The following ZWILCH variants were observed in gnomAD, a reference collection of about 807,000 sequenced individuals.
ZWILCH encodes protein zwilch homolog.
A neutral mutation model predicts 79.9 loss-of-function variants in ZWILCH; 74 were observed. The ratio of observed to expected loss-of-function variants is 0.93; its 90% CI spans 0.77 to 1.12. ZWILCH has a LOEUF of 1.12. Ranked by LOEUF, ZWILCH falls within the 50% of genes most tolerant of loss-of-function variation. The pLI is 0.00. For missense variants in ZWILCH, 694 were observed against 687.5 expected (o/e 1.01, Z -0.11); for synonymous variants, 241 against 228.2 (o/e 1.06, Z -0.51).
chr15:66,527,727 G>A, intron 9 of ZWILCH, 130 bp from the exon 10 acceptor site: 2 of 775,938 alleles, frequency 2.6e-6, no homozygotes, highest in East Asian at 5.8e-5. Context: ...CTCCACCAGA[G>A]TTCAGTGATT....
chr15:66,526,221 A>G (rs538713052), intron 8 of ZWILCH, among the ~76,000 whole-genome samples: 1 of 152,302 alleles, frequency 6.6e-6, no homozygotes, highest in East Asian at 1.9e-4. Flanking sequence ...AAAAAAATCA[A>G]CATTGGCTGT....
chr15:66,544,579 T>C (rs1488017066), intron 17 of ZWILCH, among the ~76,000 whole-genome samples: 1 of 152,072 alleles, frequency 6.6e-6, no homozygotes, highest in Non-Finnish European at 1.5e-5. Flanking sequence ...AGCTGAAATA[T>C]TCCCCCTGGC....
At chr15:66,506,080 C>A (rs1017178175) in intron 1 of ZWILCH, among the ~76,000 whole-genome samples, 2 of 152,188 alleles carry the variant, frequency 1.3e-5, no homozygotes, top group Non-Finnish European at 2.9e-5. Flanking sequence ...AATTAATTTG[C>A]CCTCCTGATA....
intron 6 of ZWILCH, 45 bp from the exon 7 acceptor site, chr15:66,521,005 A>C: frequency 6.3e-7 from 1 of 1,597,004 alleles, no homozygotes; most frequent in Non-Finnish European, 8.5e-7. Flanking sequence ...ACTCTTGGCC[A>C]TGTGGAAGCA....
intron 4 of ZWILCH, among the ~76,000 whole-genome samples, chr15:66,518,383 G>C (rs1323796622): frequency 2.0e-5 from 3 of 150,630 alleles, no homozygotes; most frequent in Non-Finnish European, 4.4e-5. Flanking sequence ...CTGCCTCCCG[G>C]GTTCACACCA....
chr15:66,506,692 T>G (rs1893835878), intron 1 of ZWILCH, among the ~76,000 whole-genome samples: 1 of 151,922 alleles, frequency 6.6e-6, no homozygotes, highest in Non-Finnish European at 1.5e-5. Context: ...AAATCTCCTA[T>G]TAACTAGGCA....
At chr15:66,519,778 C>T (rs1413534503) in intron 5 of ZWILCH, among the ~76,000 whole-genome samples, 1 of 152,134 alleles carries the variant, frequency 6.6e-6, no homozygotes, top group Non-Finnish European at 1.5e-5. Context: ...GCCACCGTGC[C>T]CAACTTCCAC....
rs1332951639 is a variant in ZWILCH at position 66,514,074 on chromosome 15, G to A, written c.192G>A (p.Val64=). 5.6e-6 allele frequency: 9 copies of A among 1,604,742 alleles called. No individual in the cohort carries two copies. The highest frequency in any genetic ancestry group is 4.0e-5 in the African/African-American group (3 of 74,428). Reference sequence around the variant, plus strand: ...ATGAAAATGACATAGTATTCATAGTGGAAAAAGTGGTAAGTACTGGTTTGA... The same window carrying A: ...ATGAAAATGACATAGTATTCATAGTAGAAAAAGTGGTAAGTACTGGTTTGA... ...ILNENDIVFI[V]EKVPLEKEET... The change falls in exon 3 of 19, where the codon GTG becomes GTA. Residue 64 remains valine, a synonymous_variant. Coordinates refer to ENST00000307897, the MANE Select transcript of ZWILCH (RefSeq NM_017975.5).
intron 7 of ZWILCH, chr15:66,523,438 A>C: frequency 2.5e-5 from 9 of 355,116 alleles, no homozygotes; most frequent in Admixed American, 4.2e-5. Flanking sequence ...CCACATAGGT[A>C]CAATTGTTTA....
At position 66,517,417 on chromosome 15, in the gene ZWILCH, C is replaced by CGCGTGTGTGT. The variant is rs1555424238; in HGVS notation, c.321-1461_321-1460insCGTGTGTGTG. 6.2e-5 allele frequency among the ~76,000 whole-genome samples: 5 copies of CGCGTGTGTGT among 80,782 alleles called. No homozygotes were observed. The East Asian group carries it at 1.6e-3, about 26-fold the overall frequency. 53.0% of individuals were successfully genotyped at this position (80,782 alleles called of 152,430 possible). ...CCTATAGATTTTGTGTTTGTGTGTG[C>CGCGTGTGTGT]GTGTGTGTGTGTGTATATATATATA... On this transcript the variant is annotated intron_variant, in intron 4 of 18. Transcript: ENST00000307897.
Position 66,537,229 on chromosome 15 carries a change from G to T in ZWILCH, c.1540G>T (p.Val514Phe). The T allele has an allele frequency of 1.2e-6, 2 of 1,613,344 alleles. No homozygotes were observed. The highest frequency in any genetic ancestry group is 8.5e-7 in the Non-Finnish European group (1 of 1,179,874). The change falls in exon 16 of 19, where the codon GTC becomes TTC. Residue 514 changes from valine (V) to phenylalanine (F), a missense_variant. Coordinates refer to ENST00000307897, the MANE Select transcript of ZWILCH (RefSeq NM_017975.5). ...TGAGCAACACATTTTTCAGCTGCCA[G>T]TCAGACCAACTGCTGTAAAGAACTT... ...LDEQHIFQLP[V>F]RPTAVKNLYQ...
intron 8 of ZWILCH, among the ~76,000 whole-genome samples, chr15:66,526,545 C>A (rs1894679519): frequency 6.6e-6 from 1 of 151,934 alleles, no homozygotes; most frequent in African/African-American, 2.4e-5. Context: ...CTGCAAGCTC[C>A]ACCTCCTGGG....
chr15:66,523,593 G>C (rs1894578159), intron 7 of ZWILCH, 84 bp from the exon 8 acceptor site: 1 of 838,896 alleles, frequency 1.2e-6, no homozygotes, highest in Admixed American at 2.2e-5. Flanking sequence ...ATGTGTGAAA[G>C]ATAGTTTGAA....
In ZWILCH at chr15:66,517,393, C is replaced by T. The variant is rs555335675; in HGVS notation, c.321-1486C>T. Among the ~76,000 whole-genome samples, 122 of 106,850 alleles carry T rather than the reference C, an allele frequency of 1.1e-3. 1 individual carries two copies. The highest frequency in any genetic ancestry group is 2.1e-3 in the Non-Finnish European group (108 of 51,786). The allele number at this position is 106,850 out of a possible 152,430, so 70.1% of individuals were successfully genotyped here. A position where few individuals can be genotyped will look rare whatever the true frequency, so the allele number is the denominator to read the frequency against. On this transcript the variant is annotated intron_variant, in intron 4 of 18. Transcript: ENST00000307897. ...AATATGTTTATAACTATTGTTATAC[C>T]TATAGATTTTGTGTTTGTGTGTGCG...
intron 5 of ZWILCH, 31 bp downstream of exon 5, chr15:66,519,109 G>T (rs777340791): frequency 3.2e-6 from 5 of 1,576,756 alleles, no homozygotes; most frequent in Non-Finnish European, 3.5e-6. Flanking sequence ...GTGTGTGTGT[G>T]TATTTATTCA....
At chr15:66,535,093 A>G (rs1022291896) in intron 14 of ZWILCH, among the ~76,000 whole-genome samples, 1 of 151,850 alleles carries the variant, frequency 6.6e-6, no homozygotes, top group East Asian at 1.9e-4. Context: ...AGACGTAGAC[A>G]CACACATTCG....
chr15:66,540,633 T>C (rs985225503), intron 17 of ZWILCH, among the ~76,000 whole-genome samples: 5 of 150,576 alleles, frequency 3.3e-5, no homozygotes, highest in Middle Eastern at 3.5e-3. Flanking sequence ...GTATTTTCTT[T>C]CTTTTTTTTT....
chr15:66,515,123 C>T (rs558282360), intron 3 of ZWILCH, among the ~76,000 whole-genome samples: 1,793 of 134,990 alleles, frequency 0.013, 28 homozygotes, highest in African/African-American at 0.043. Context: ...TTTTTCTTTT[C>T]TTTTTTTGGT....
intron 17 of ZWILCH, among the ~76,000 whole-genome samples, chr15:66,542,152 A>T (rs1895209984): frequency 6.6e-6 from 1 of 152,232 alleles, no homozygotes; most frequent in African/African-American, 2.4e-5. Context: ...AAACTAGGAA[A>T]AGAAATTTGT....
Sources: gnomAD v4.1 joint callset for allele counts (sites outside exome capture counted in the v4.1 genomes callset) on GRCh38, gnomAD v4.1.1 for gene constraint, MANE v1.5 for transcripts, NCBI Gene and HGNC (gene_info 2026-07-23, HGNC 2026-07-21) for gene names.